PAX4: variants seen among roughly 807,000 people sequenced by gnomAD.
PAX4 encodes the protein paired box 4.
PAX4 carries 33 observed loss-of-function variants against 40.6 expected under a neutral mutation model. That is an observed-to-expected ratio of 0.81 (90% CI 0.62 to 1.09). The LOEUF (loss-of-function observed/expected upper bound fraction) is 1.09. PAX4 is among the 50% of genes least tolerant of loss of function. PAX4 has a pLI of 0.00. For synonymous variants in PAX4, 174 were observed against 170.6 expected (o/e 1.02, Z -0.16); for missense variants, 459 against 442.5 (o/e 1.04, Z -0.33).
At chr7:127,612,364 T>C (rs1794641665) in intron 9 of PAX4, among the ~76,000 whole-genome samples, 1 of 152,036 alleles carries the variant, frequency 6.6e-6, no homozygotes, top group Non-Finnish European at 1.5e-5. Context: ...GATGGATGGA[T>C]GCATGGGTGC....
In PAX4 at chr7:127,612,669, T is replaced by C. The variant is rs573164294; in HGVS notation, c.715+353A>G. Among the ~76,000 whole-genome samples, 4 of 122,192 alleles carry C rather than the reference T, an allele frequency of 3.3e-5. No individual in the cohort carries two copies. The East Asian group carries it at 1.1e-3, about 32-fold the overall frequency. 80.2% of individuals were successfully genotyped at this position (122,192 alleles called of 152,430 possible). A position where few individuals can be genotyped will look rare whatever the true frequency, so the allele number is the denominator to read the frequency against. Reference sequence around the variant, plus strand: ...TAGCTGGGTGGATGGGTGGGTGTGGTGGGTGGATGATGCCTGGATGAATGG... The same window carrying C: ...TAGCTGGGTGGATGGGTGGGTGTGGCGGGTGGATGATGCCTGGATGAATGG... On this transcript the variant is annotated intron_variant, in intron 9 of 11. Coordinates refer to ENST00000639438, the MANE Select transcript of PAX4 (RefSeq NM_001366110.1).
rs1014743418 is a variant in PAX4 at position 127,613,809 on chromosome 7, C to T, written c.509G>A (p.Gly170Asp). The T allele has an allele frequency of 5.6e-6, 9 of 1,613,900 alleles. No individual in the cohort carries two copies. Among genetic ancestry groups the T allele is most frequent in the Non-Finnish European group, 6.8e-6 (8 of 1,179,998 alleles). Reference protein sequence around the residue: ...ETPRGTHPGTGHRNRTIFSPS... With the variant: ...ETPRGTHPGTDHRNRTIFSPS... ...GGAGAAGATAGTCCGATTCCGGTGG[C>T]CGGTCCCTGGGTGGGTACCCCGGGG... Residue 170 changes from glycine (G) to aspartate (D), a missense_variant, in exon 7 of 12, where the codon GGC becomes GAC. Coordinates refer to ENST00000639438, the MANE Select transcript of PAX4 (RefSeq NM_001366110.1).
rs200757052 is a variant in PAX4, at chr7:127,610,586, C to CACTT, written c.*477_*478insAAGT. ...GTGTGTGTGTGCGCGCACGCATGCA[C>CACTT]GCATACATAATACACATATAGATGC... is the stretch of plus-strand genomic sequence containing the variant. On this transcript the variant is annotated 3_prime_UTR_variant, in exon 12 of 12. Transcript: ENST00000639438. 3.2e-5 allele frequency: 13 copies of CACTT among 402,390 alleles called. No homozygotes were observed. The East Asian group carries it at 5.4e-4, about 17-fold the overall frequency. The allele number at this position is 402,390 out of a possible 1,614,324, so 24.9% of individuals were successfully genotyped here.
rs750647185 is a variant in PAX4, at chr7:127,610,988, G to T, written c.*76C>A. ...AGGAAGGAGGAAGGAGCCACAGTCT[G>T]TATGGGCAGGACGGTAAGGACAATG... On this transcript the variant is annotated 3_prime_UTR_variant, in exon 12 of 12. Transcript: ENST00000639438. 2 of 1,553,680 alleles carry T rather than the reference G, an allele frequency of 1.3e-6. No homozygotes were observed. Among genetic ancestry groups the T allele is most frequent in the South Asian group, 2.4e-5 (2 of 84,310 alleles).
At position 127,612,934 on chromosome 7, in the gene PAX4, AGGATGGAT is replaced by A. The variant is rs376039555; in HGVS notation, c.715+80_715+87del. 14,176 of 919,920 alleles carry A rather than the reference AGGATGGAT, an allele frequency of 0.015. 164 individuals are homozygous for A. The highest frequency in any genetic ancestry group is 0.035 in the African/African-American group (2,060 of 58,636). The allele number at this position is 919,920 out of a possible 1,614,324, so 57.0% of individuals were successfully genotyped here. ...GATGGATAAATGGATGGACGAATGG[AGGATGGAT>A]GGATGGATGGATGGATGGATGGATG... On this transcript the variant is annotated intron_variant, in intron 9 of 11. Coordinates refer to ENST00000639438, the MANE Select transcript of PAX4 (RefSeq NM_001366110.1).
Position 127,613,472 on chromosome 7 carries a change from G to C in PAX4, c.623C>G (p.Ser208Cys), listed in dbSNP as rs1240004151. 6.2e-7 allele frequency: 1 copy of C among 1,614,180 alleles called. No homozygotes were observed. The highest frequency in any genetic ancestry group is 2.2e-5 in the East Asian group (1 of 44,876). ...VARGKLATAT[S>C]LPEDTVRVWF... ...CACCCTCACCGTGTCCTCAGGCAGA[G>C]AGGTGGCAGTAGCCAGCTTTCCACG... The change falls in exon 8 of 12, where the codon TCT becomes TGT. Residue 208 changes from serine (S) to cysteine (C), a missense_variant. Ser to Cys is a moderately radical substitution (Grantham distance 112). Transcript: ENST00000639438.
Position 127,611,015 on chromosome 7 carries a change from G to A in PAX4, c.*49C>T, listed in dbSNP as rs1172535758. On this transcript the variant is annotated 3_prime_UTR_variant, in exon 12 of 12. Transcript: ENST00000639438. ...ATGGGCAGGACGGTAAGGACAATGGGCAGGATGGTATTAGATCTTCTCTAT... is the reference window on the plus strand; with the variant it reads ...ATGGGCAGGACGGTAAGGACAATGGACAGGATGGTATTAGATCTTCTCTAT... 1.3e-6 allele frequency: 2 copies of A among 1,566,250 alleles called. No homozygotes were observed. The highest frequency in any genetic ancestry group is 1.7e-6 in the Non-Finnish European group (2 of 1,153,334).
rs1482669834 is a variant in PAX4, at chr7:127,610,469, A to T, written c.*595T>A. Reference sequence around the variant, plus strand: ...TCTTAGATGTGGATATATTATTGTGATTATGTAAGACAAGTTTCTTGTTTT... The same window carrying T: ...TCTTAGATGTGGATATATTATTGTGTTTATGTAAGACAAGTTTCTTGTTTT... On this transcript the variant is annotated 3_prime_UTR_variant, in exon 12 of 12. Coordinates refer to ENST00000639438, the MANE Select transcript of PAX4 (RefSeq NM_001366110.1). The T allele has an allele frequency of 5.5e-6, 1 of 180,600 alleles. No individual in the cohort carries two copies. Among genetic ancestry groups the T allele is most frequent in the Non-Finnish European group, 1.2e-5 (1 of 84,724 alleles). The allele number at this position is 180,600 out of a possible 1,614,324, so 11.2% of individuals were successfully genotyped here. A position where few individuals can be genotyped will look rare whatever the true frequency, so the allele number is the denominator to read the frequency against.
chr7:127,611,679 A>T lies in PAX4; in HGVS notation c.772-3T>A, dbSNP rs751121931. ...GTGGGCACACTGCCAGGGGACTGCT[A>T]AAAAAAAAAAGCAAGAGAAGAACCT... On this transcript the variant is annotated splice_region_variant and splice_polypyrimidine_tract_variant and intron_variant, in intron 10 of 11. Transcript: ENST00000639438. 1.8e-5 allele frequency: 11 copies of T among 616,008 alleles called. No homozygotes were observed. Among genetic ancestry groups the T allele is most frequent in the South Asian group, 7.3e-5 (2 of 27,584 alleles). The allele number at this position is 616,008 out of a possible 1,614,324, so 38.2% of individuals were successfully genotyped here.
intron 3 of PAX4, 41 bp from the exon 4 acceptor site, chr7:127,615,572 C>T: frequency 6.2e-7 from 1 of 1,611,982 alleles, no homozygotes; most frequent in African/African-American, 1.3e-5. Context: ...ACCTCTCCCA[C>T]TGCCCTGCCC....
chr7:127,611,502 C>A, intron 11 of PAX4, 33 bp downstream of exon 11: 1 of 1,613,320 alleles, frequency 6.2e-7, no homozygotes, highest in Admixed American at 1.7e-5. Flanking sequence ...CTCCCTACAT[C>A]CTGCAGGACT....
At chr7:127,614,336 G>T in intron 6 of PAX4, 146 bp downstream of exon 6, 1 of 744,170 alleles carries the variant, frequency 1.3e-6, no homozygotes, top group Non-Finnish European at 2.4e-6. Flanking sequence ...ATTTTCTTCT[G>T]CTGGGAGAGA....
Position 127,611,940 on chromosome 7 carries a change from A to T in PAX4, c.771+5T>A. 1 of 1,614,058 alleles carries T rather than the reference A, an allele frequency of 6.2e-7. No homozygotes were observed. The highest frequency in any genetic ancestry group is 8.5e-7 in the Non-Finnish European group (1 of 1,179,998). On this transcript the variant is annotated splice_donor_5th_base_variant and intron_variant, in intron 10 of 11. Coordinates refer to ENST00000639438, the MANE Select transcript of PAX4 (RefSeq NM_001366110.1). ...GGGCACAGACTCCCCTCTCCTCCCG[A>T]GTACCTGTGCAGAGATGATTCCTGG...
At position 127,610,557 on chromosome 7, in the gene PAX4, G is replaced by GTT. The variant is rs1441055217; in HGVS notation, c.*506_*507insAA. Reference sequence around the variant, plus strand: ...CATGATATAATGTCAGTGTGTGTGTGTGTGTGTGTGTGTGCGCGCACGCAT... The same window carrying GTT: ...CATGATATAATGTCAGTGTGTGTGTGTTTGTGTGTGTGTGTGCGCGCACGCAT... On this transcript the variant is annotated 3_prime_UTR_variant, in exon 12 of 12. Coordinates refer to ENST00000639438, the MANE Select transcript of PAX4 (RefSeq NM_001366110.1). The GTT allele has an allele frequency of 3.7e-6, 1 of 271,158 alleles. No homozygotes were observed. Among genetic ancestry groups the GTT allele is most frequent in the South Asian group, 3.9e-5 (1 of 25,658 alleles). 16.8% of individuals were successfully genotyped at this position (271,158 alleles called of 1,614,324 possible).
chr7:127,614,481 C>T lies in PAX4; in HGVS notation c.436+1G>A, dbSNP rs868839806. On this transcript the variant is annotated splice_donor_variant, in intron 6 of 11. Transcript: ENST00000639438. LOFTEE classifies it high-confidence loss of function. ...GCCCTGGGGACAACTCCAAGACCCA[C>T]CTGGTGACCTGAGCCGTGTGCACGG... The T allele has an allele frequency of 8.8e-6, 14 of 1,591,952 alleles. No homozygotes were observed. The highest frequency in any genetic ancestry group is 1.1e-5 in the Non-Finnish European group (13 of 1,168,406).
At chr7:127,611,389 G>A (rs906292267) in intron 11 of PAX4, 146 bp downstream of exon 11, 45 of 1,528,006 alleles carry the variant, frequency 2.9e-5, no homozygotes, top group South Asian at 1.2e-4. Context: ...ACTAGTCTCC[G>A]TAATTTTGTG....
intron 6 of PAX4, 144 bp from the exon 7 acceptor site, chr7:127,614,025 G>A: frequency 2.1e-6 from 2 of 937,020 alleles, no homozygotes; most frequent in Admixed American, 2.0e-5. Flanking sequence ...ATAGTTATTA[G>A]AGGTCACTGC....
chr7:127,611,452 A>G (rs894320470), intron 11 of PAX4, 83 bp downstream of exon 11: 36 of 1,606,268 alleles, frequency 2.2e-5, no homozygotes, highest in Middle Eastern at 2.1e-4. Flanking sequence ...ATGACCCCCA[A>G]TGGAGATCCA....
At chr7:127,611,231 T>A in intron 11 of PAX4, 25 bp from the exon 12 acceptor site, 1 of 1,566,298 alleles carries the variant, frequency 6.4e-7, no homozygotes, top group Non-Finnish European at 8.7e-7. Flanking sequence ...AGAGAGAGCT[T>A]GGGGTTATTG....
Sources: allele counts gnomAD v4.1 joint callset (sites outside exome capture counted in the v4.1 genomes callset), GRCh38; gene constraint gnomAD v4.1.1; transcripts MANE v1.5; gene names NCBI Gene and HGNC (gene_info 2026-07-23, HGNC 2026-07-21).